CPAP: variants seen among roughly 807,000 people sequenced by gnomAD.
CPAP encodes centrosomal P4.1-associated protein.
At chr13:24,919,651 C>T in the CPAP span, among the ~76,000 whole-genome samples, 1 of 152,254 alleles carries the variant, frequency 6.6e-6, no homozygotes, top group African/African-American at 2.4e-5. Flanking sequence ...AACTCCTGGG[C>T]TCAAGCCATT....
the CPAP span, among the ~76,000 whole-genome samples, chr13:24,888,391 T>C: frequency 2.0e-5 from 3 of 152,148 alleles, no homozygotes; most frequent in South Asian, 2.1e-4. Flanking sequence ...AAATTTTAAA[T>C]GGACAAAGGA....
chr13:24,919,666 C>T, the CPAP span, among the ~76,000 whole-genome samples: 1 of 152,118 alleles, frequency 6.6e-6, no homozygotes, highest in Non-Finnish European at 1.5e-5. Flanking sequence ...GCCATTCTCC[C>T]ACCTTGGCTT....
chr13:24,926,243 A>C, the CPAP span, among the ~76,000 whole-genome samples: 1 of 152,136 alleles, frequency 6.6e-6, no homozygotes, highest in Non-Finnish European at 1.5e-5. Flanking sequence ...GGGAATTTTC[A>C]ACCTAGGGTT....
the CPAP span, among the ~76,000 whole-genome samples, chr13:24,931,152 G>A: frequency 1.3e-5 from 2 of 151,710 alleles, no homozygotes; most frequent in African/African-American, 2.4e-5. Context: ...GTTTCTTTCC[G>A]ATCTTTTTCT....
At chr13:24,884,962 A>G in the CPAP span, among the ~76,000 whole-genome samples, 1 of 152,362 alleles carries the variant, frequency 6.6e-6, no homozygotes, top group East Asian at 1.9e-4. Flanking sequence ...TTTCCTAAGC[A>G]TAAGAATAAA....
the CPAP span, among the ~76,000 whole-genome samples, chr13:24,901,229 T>C: frequency 1.3e-5 from 2 of 152,326 alleles, no homozygotes; most frequent in African/African-American, 2.4e-5. Context: ...GGAATACTTG[T>C]GGCACATTTG....
At chr13:24,897,959 G>C in the CPAP span, among the ~76,000 whole-genome samples, 5 of 152,180 alleles carry the variant, frequency 3.3e-5, no homozygotes, top group African/African-American at 9.7e-5. Flanking sequence ...GCAGTAGCAT[G>C]ATCTTGGCTT....
chr13:24,909,729 T>G, the CPAP span: 3 of 1,461,908 alleles, frequency 2.1e-6, no homozygotes, highest in East Asian at 4.6e-5. Context: ...ATGGAAAGGC[T>G]TCATCTTAGG....
chr13:24,906,972 G>A, the CPAP span: 1 of 1,610,398 alleles, frequency 6.2e-7, no homozygotes, highest in South Asian at 1.1e-5. Context: ...TAAAATAAAA[G>A]AATAATATTT....
chr13:24,898,619 C>T, the CPAP span, among the ~76,000 whole-genome samples: 67 of 152,084 alleles, frequency 4.4e-4, no homozygotes, highest in African/African-American at 1.5e-3. Flanking sequence ...CGTTTCTTCC[C>T]ACAAAAATAA....
At chr13:24,906,727 G>A in the CPAP span, 1 of 1,614,038 alleles carries the variant, frequency 6.2e-7, no homozygotes, top group African/African-American at 1.3e-5. Context: ...CCTTTTTAAG[G>A]ATAGGGTTGT....
At chr13:24,912,135 T>A in the CPAP span, 1 of 1,473,486 alleles carries the variant, frequency 6.8e-7, no homozygotes, top group Non-Finnish European at 9.5e-7. Flanking sequence ...CCTCGTTCCC[T>A]TAATTCCTCC....
At chr13:24,919,021 G>A in the CPAP span, among the ~76,000 whole-genome samples, 19,087 of 149,812 alleles carry the variant, frequency 0.13, 1,291 homozygotes, top group Non-Finnish European at 0.15. Context: ...AGCCTGGAAA[G>A]AAGGAGGGTG....
chr13:24,905,964 G>A, the CPAP span: 36 of 1,613,984 alleles, frequency 2.2e-5, no homozygotes, highest in East Asian at 4.5e-5. Context: ...TCATCGTCAC[G>A]TGCATTCCAT....
the CPAP span, chr13:24,886,525 C>A: frequency 2.2e-6 from 1 of 449,194 alleles, no homozygotes; most frequent in Non-Finnish European, 4.3e-6. Context: ...AGTCTAGGGA[C>A]TACTGGGAGT....
chr13:24,916,299 T>C, the CPAP span, among the ~76,000 whole-genome samples: 3 of 152,134 alleles, frequency 2.0e-5, no homozygotes, highest in African/African-American at 4.8e-5. Flanking sequence ...TTTATCAATA[T>C]AATACAGCAA....
At chr13:24,922,973 C>T in the CPAP span, 16 of 152,448 alleles carry the variant, frequency 1.0e-4, no homozygotes, top group African/African-American at 3.8e-4. Flanking sequence ...GCCACAGCGA[C>T]GGGCGTTGCC....
the CPAP span, among the ~76,000 whole-genome samples, chr13:24,898,892 T>C: frequency 2.6e-3 from 397 of 152,376 alleles, 1 homozygote; most frequent in Non-Finnish European, 4.8e-3. Flanking sequence ...GTTAGTTGTG[T>C]CTTCTCTTAG....
the CPAP span, among the ~76,000 whole-genome samples, chr13:24,930,771 C>T: frequency 1.3e-5 from 2 of 152,168 alleles, no homozygotes; most frequent in East Asian, 1.9e-4. Context: ...CTGTGATGAA[C>T]ATACTAGTGC....
Sources: gnomAD v4.1 joint callset for allele counts (sites outside exome capture counted in the v4.1 genomes callset) on GRCh38, gnomAD v4.1.1 for gene constraint, MANE v1.5 for transcripts, NCBI Gene and HGNC (gene_info 2026-07-23, HGNC 2026-07-21) for gene names.